Variants in DAB2IP observed in about 807,000 individuals in gnomAD.
The protein encoded by DAB2IP is DAB2 interacting protein, also known as disabled homolog 2-interacting protein.
Under a neutral mutation model 107.2 loss-of-function variants are expected in DAB2IP, and 28 were observed. The observed-to-expected ratio is 0.26, with a 90% CI of 0.19 to 0.36. The LOEUF (loss-of-function observed/expected upper bound fraction) is 0.36. Ranked by LOEUF, DAB2IP falls within the 10% of genes least tolerant of loss-of-function variation. The probability of loss-of-function intolerance (pLI) is 1.00; values close to 1 mark genes in which losing one functional copy is unlikely to be tolerated. For missense variants in DAB2IP, 1,400 were observed against 1,644.7 expected (o/e 0.85, Z 2.57); for synonymous variants, 755 against 706.4 (o/e 1.07, Z -1.09).
At chr9:121,742,641 A>G (rs775119046) in intron 3 of DAB2IP, 4 of 702,862 alleles carry the variant, frequency 5.7e-6, no homozygotes, top group Non-Finnish European at 7.0e-6. Context: ...TCTTGTGGAC[A>G]GTGGAAGGGC....
chr9:121,678,365 CAT>C (rs948675755), intron 1 of DAB2IP, among the ~76,000 whole-genome samples: 20 of 152,324 alleles, frequency 1.3e-4, no homozygotes, highest in South Asian at 4.1e-4. Context: ...ATGTCAGTAC[CAT>C]GTGTGTGTGT....
At chr9:121,663,961 G>C (rs1024381730) in intron 1 of DAB2IP, among the ~76,000 whole-genome samples, 2 of 152,190 alleles carry the variant, frequency 1.3e-5, no homozygotes, top group African/African-American at 4.8e-5. Context: ...TTGAACTTCA[G>C]TTTCCTCCGA....
At chr9:121,729,748 TTTTG>T (rs531937143) in intron 3 of DAB2IP, among the ~76,000 whole-genome samples, 109 of 152,328 alleles carry the variant, frequency 7.2e-4, no homozygotes, top group South Asian at 2.7e-3. Flanking sequence ...AAAGTTTTTG[TTTTG>T]TTTGTTTGTT....
At chr9:121,674,154 G>A (rs1833793858) in intron 1 of DAB2IP, among the ~76,000 whole-genome samples, 2 of 152,222 alleles carry the variant, frequency 1.3e-5, no homozygotes, top group African/African-American at 4.8e-5. Flanking sequence ...GGGTCATCCC[G>A]ATGGTGGCTG....
chr9:121,739,296 G>GGT (rs1832148601), intron 3 of DAB2IP, among the ~76,000 whole-genome samples: 1 of 152,234 alleles, frequency 6.6e-6, no homozygotes, highest in African/African-American at 2.4e-5. Context: ...CAGAGACTTT[G>GGT]GTGTGTGTGG....
At chr9:121,707,456 C>T (rs896763227) in intron 3 of DAB2IP, among the ~76,000 whole-genome samples, 1 of 152,188 alleles carries the variant, frequency 6.6e-6, no homozygotes, top group South Asian at 2.1e-4. Flanking sequence ...CAGTGGGCAG[C>T]CCCCACGGGG....
At position 121,656,484 on chromosome 9, in the gene DAB2IP, T is replaced by C. The variant is rs1393357688; in HGVS notation, c.124+4585T>C. On this transcript the variant is annotated intron_variant, in intron 1 of 15. Coordinates refer to ENST00000408936, the Ensembl canonical transcript of DAB2IP. ...CTCTGCCTCCACCTTGGATGACACC[T>C]GTGAAATCATTATGCCCTTTTCTGC... 2.0e-5 allele frequency among the ~76,000 whole-genome samples: 3 copies of C among 152,236 alleles called. No individual in the cohort carries two copies. The East Asian group carries it at 5.8e-4, about 29-fold the overall frequency.
upstream of DAB2IP, among the ~76,000 whole-genome samples, chr9:121,649,526 T>C (rs1832663729): frequency 6.6e-6 from 1 of 152,062 alleles, no homozygotes; most frequent in Non-Finnish European, 1.5e-5. Flanking sequence ...ACCTGGCTGA[T>C]CAGAGGGTTC....
At chr9:121,741,461 CT>C (rs1330546618) in intron 3 of DAB2IP, among the ~76,000 whole-genome samples, 1 of 152,180 alleles carries the variant, frequency 6.6e-6, no homozygotes, top group Non-Finnish European at 1.5e-5. Context: ...CGCTTCCCTC[CT>C]GCTCTGCCCC....
At chr9:121,663,042 G>A (rs1833271656) in intron 1 of DAB2IP, among the ~76,000 whole-genome samples, 1 of 152,204 alleles carries the variant, frequency 6.6e-6, no homozygotes, top group Non-Finnish European at 1.5e-5. Flanking sequence ...AAGACTTTGG[G>A]CCGGTGAATT....
chr9:121,650,868 G>C (rs1367403513), upstream of DAB2IP, among the ~76,000 whole-genome samples: 1 of 152,174 alleles, frequency 6.6e-6, no homozygotes, highest in Non-Finnish European at 1.5e-5. Context: ...TGAGGCTGGA[G>C]GGGACTTTGG....
At chr9:121,648,488 C>G (rs1004500882), upstream of DAB2IP, among the ~76,000 whole-genome samples, 1 of 151,936 alleles carries the variant, frequency 6.6e-6, no homozygotes, top group Non-Finnish European at 1.5e-5. Context: ...AGCTTGGTCT[C>G]TGAGAGTTCG....
At chr9:121,732,602 C>G (rs766016804) in intron 3 of DAB2IP, among the ~76,000 whole-genome samples, 4 of 152,030 alleles carry the variant, frequency 2.6e-5, no homozygotes, top group Non-Finnish European at 4.4e-5. Context: ...CATTAACCAC[C>G]CACACAGCTC....
At chr9:121,661,531 A>C (rs1014965722) in intron 1 of DAB2IP, among the ~76,000 whole-genome samples, 2 of 151,928 alleles carry the variant, frequency 1.3e-5, no homozygotes, top group African/African-American at 4.8e-5. Flanking sequence ...CTGCAGAGGG[A>C]AGGGCCGGTT....
chr9:121,746,370 GTTAA>G (rs1832724687), intron 3 of DAB2IP, among the ~76,000 whole-genome samples: 1 of 152,192 alleles, frequency 6.6e-6, no homozygotes, highest in Non-Finnish European at 1.5e-5. Flanking sequence ...AGGCACACAG[GTTAA>G]TTAATTTGAC....
chr9:121,695,222 AT>A (rs1226363024), intron 2 of DAB2IP, among the ~76,000 whole-genome samples: 4 of 152,098 alleles, frequency 2.6e-5, no homozygotes, highest in Admixed American at 1.3e-4. Context: ...AAGCATGTTC[AT>A]TCATGTCCCT....
At chr9:121,608,142 C>A (rs951979088) in intron 1 of DAB2IP, among the ~76,000 whole-genome samples, 1 of 152,204 alleles carries the variant, frequency 6.6e-6, no homozygotes, top group African/African-American at 2.4e-5. Context: ...CCCTTGAGTT[C>A]GTGTCACACT....
At position 121,736,764 on chromosome 9, in the gene DAB2IP, C is replaced by T. The variant is rs1287331340; in HGVS notation, c.363-20249C>T. 6.6e-6 allele frequency among the ~76,000 whole-genome samples: 1 copy of T among 152,244 alleles called. No individual in the cohort carries two copies. Among genetic ancestry groups the T allele is most frequent in the Non-Finnish European group, 1.5e-5 (1 of 68,038 alleles). ...CTCAGACCAGCTTGAAAAATGCATT[C>T]ATTCATTCAGTACATCTGTCGAGTG... is the stretch of plus-strand genomic sequence containing the variant. On this transcript the variant is annotated intron_variant, in intron 3 of 15. Coordinates refer to ENST00000408936, the Ensembl canonical transcript of DAB2IP. The surrounding 1 kb of genome is among the most constrained non-coding windows in gnomAD (Gnocchi z 4.6).
intron 6 of DAB2IP, among the ~76,000 whole-genome samples, chr9:121,761,999 G>A (rs1441297437): frequency 6.6e-6 from 1 of 152,132 alleles, no homozygotes; most frequent in African/African-American, 2.4e-5. Context: ...GGAGGGAGGT[G>A]AAGTCAGGGC....
Sources: allele counts gnomAD v4.1 joint callset (sites outside exome capture counted in the v4.1 genomes callset), GRCh38; gene constraint gnomAD v4.1.1; non-coding constraint Gnocchi (gnomAD v3.1); transcripts MANE v1.5; gene names NCBI Gene and HGNC (gene_info 2026-07-23, HGNC 2026-07-21).